The following EXOSC8 variants were observed in gnomAD, a reference collection of about 807,000 sequenced individuals.
EXOSC8 encodes the protein exosome component 8, also known as exosome complex component RRP43.
A neutral mutation model predicts 39.9 loss-of-function variants in EXOSC8; 37 were observed. The ratio of observed to expected loss-of-function variants is 0.93; its 90% CI spans 0.71 to 1.22. The LOEUF (loss-of-function observed/expected upper bound fraction) is 1.22, where lower values mean the gene tolerates loss of function less well. Ranked by LOEUF, EXOSC8 falls within the 50% of genes most tolerant of loss-of-function variation. The pLI is 0.00. For missense variants in EXOSC8, 313 were observed against 326.6 expected (o/e 0.96, Z 0.32); for synonymous variants, 93 against 109.5 (o/e 0.85, Z 0.94).
chr13:37,008,279 C>T (rs1000582390), intron 9 of EXOSC8, 102 bp downstream of exon 9: 2 of 920,126 alleles, frequency 2.2e-6, no homozygotes, highest in East Asian at 4.9e-5. Context: ...GACCCTACAT[C>T]CTAGTTTTCC....
chr13:37,002,481 T>C lies in EXOSC8; in HGVS notation c.55-7T>C. The stretch of plus-strand genomic sequence containing the variant: ...TAATCTATTTTTATATAAACATATT[T>C]ATTTAGAAAGAGAACTGCCGTCCTG... On this transcript the variant is annotated splice_region_variant and splice_polypyrimidine_tract_variant and intron_variant, in intron 2 of 10. Coordinates refer to ENST00000389704, the MANE Select transcript of EXOSC8 (RefSeq NM_181503.3). 6.5e-7 allele frequency: 1 copy of C among 1,544,294 alleles called. No individual in the cohort carries two copies. Among genetic ancestry groups the C allele is most frequent in the Non-Finnish European group, 8.8e-7 (1 of 1,134,828 alleles).
chr13:37,007,445 T>C (rs2059149013), intron 8 of EXOSC8, among the ~76,000 whole-genome samples: 1 of 152,208 alleles, frequency 6.6e-6, no homozygotes, highest in Admixed American at 6.5e-5. Flanking sequence ...TGTGAGGCCA[T>C]AGTAATAGGG....
At chr13:37,008,312 G>T (rs756826682) in intron 9 of EXOSC8, 135 bp downstream of exon 9, 1 of 720,398 alleles carries the variant, frequency 1.4e-6, no homozygotes, top group Non-Finnish European at 2.4e-6. Context: ...GTTTCTACTT[G>T]TCCCTGCACA....
chr13:37,003,093 T>C, intron 4 of EXOSC8, 86 bp downstream of exon 4: 1 of 810,686 alleles, frequency 1.2e-6, no homozygotes, highest in Admixed American at 2.3e-5. Flanking sequence ...AATTCTACTC[T>C]TGATTTGGTA....
intron 8 of EXOSC8, 121 bp downstream of exon 8, chr13:37,007,192 A>C: frequency 1.4e-6 from 1 of 706,538 alleles, no homozygotes; most frequent in Non-Finnish European, 2.6e-6. Context: ...TGCTGACATG[A>C]CTTTCCAAAT....
intron 2 of EXOSC8, 86 bp from the exon 3 acceptor site, chr13:37,002,402 A>G: frequency 7.3e-7 from 1 of 1,368,168 alleles, no homozygotes; most frequent in East Asian, 2.3e-5. Context: ...ATTTGAAGTA[A>G]CATTTAATGT....
intron 8 of EXOSC8, among the ~76,000 whole-genome samples, chr13:37,007,662 A>C (rs1325077872): frequency 6.6e-6 from 1 of 152,220 alleles, no homozygotes; most frequent in African/African-American, 2.4e-5. Context: ...TAGACTGGTT[A>C]AAGTAGATTC....
At chr13:37,001,561 ATAAAT>A (rs2059105376) in intron 1 of EXOSC8, 1 of 152,232 alleles carries the variant, frequency 6.6e-6, no homozygotes, top group African/African-American at 2.4e-5. Context: ...AATGGATAAA[ATAAAT>A]AGGATTCCAA....
chr13:37,007,026 A>T lies in EXOSC8; in HGVS notation c.442A>T (p.Ile148Phe). 1.2e-6 allele frequency: 2 copies of T among 1,613,864 alleles called. No individual in the cohort carries two copies. The highest frequency in any genetic ancestry group is 1.7e-6 in the Non-Finnish European group (2 of 1,179,706). ...DLICLDYDGN[I>F]LDACTFALLA... Reference sequence around the variant, plus strand: ...CATTTGCCTCGACTACGATGGAAACATTTTGGATGCCTGCACATTTGCTTT... The same window carrying T: ...CATTTGCCTCGACTACGATGGAAACTTTTTGGATGCCTGCACATTTGCTTT... The change falls in exon 8 of 11, where the codon ATT (isoleucine) becomes TTT (phenylalanine). Residue 148 changes from isoleucine (I) to phenylalanine (F), a missense_variant. By Grantham distance (21) the Ile-to-Phe change is conservative. Transcript: ENST00000389704.
At position 37,000,824 on chromosome 13, in the gene EXOSC8, T is replaced by A; in HGVS notation, c.17+2T>A. On this transcript the variant is annotated splice_donor_variant, in intron 1 of 10. Transcript: ENST00000389704. LOFTEE classifies it high-confidence loss of function. ...CGGGAAGATGGCGGCTGGGTTCAAG[T>A]GAGTGTTGGCGGGTGGCGGGTAGAG... 6.3e-7 allele frequency: 1 copy of A among 1,578,354 alleles called. No homozygotes were observed. Among genetic ancestry groups the A allele is most frequent in the Non-Finnish European group, 8.6e-7 (1 of 1,162,502 alleles).
At chr13:37,001,078 T>C (rs1334812432) in intron 1 of EXOSC8, among the ~76,000 whole-genome samples, 1 of 152,096 alleles carries the variant, frequency 6.6e-6, no homozygotes, top group African/African-American at 2.4e-5. Flanking sequence ...GCGTGGTGTG[T>C]AGTGAACGTG....
chr13:37,009,093 AT>A, intron 10 of EXOSC8, 90 bp from the exon 11 acceptor site: 4 of 865,896 alleles, frequency 4.6e-6, no homozygotes, highest in Non-Finnish European at 5.5e-6. Context: ...ACATTATCCA[AT>A]TTTTTTGTTT....
rs376679078 is a variant in EXOSC8 at position 37,004,605 on chromosome 13, A to G, written c.238+44A>G. On this transcript the variant is annotated intron_variant, in intron 5 of 10. Transcript: ENST00000389704. ...TAATTTTAATACAAATACTTTTAAC[A>G]CATTTAATAATTTTTAGTTAAGTCC... 8 of 1,256,694 alleles carry G rather than the reference A, an allele frequency of 6.4e-6. No homozygotes were observed. In the South Asian group the frequency reaches 6.5e-5, roughly 10 times the overall value. The allele number at this position is 1,256,694 out of a possible 1,614,324, so 77.8% of individuals were successfully genotyped here.
rs1566073524 is a variant in EXOSC8 at position 37,002,291 on chromosome 13, G to A, written c.36G>A (p.Glu12=). 6.2e-7 allele frequency: 1 copy of A among 1,609,608 alleles called. No homozygotes were observed. The highest frequency in any genetic ancestry group is 8.5e-7 in the Non-Finnish European group (1 of 1,176,336). The change falls in exon 2 of 11, where the codon GAG becomes GAA. Residue 12 remains glutamate, a synonymous_variant. Coordinates refer to ENST00000389704, the MANE Select transcript of EXOSC8 (RefSeq NM_181503.3). ...AAGFKTVEPL[E]YYRRFLKENC... Reference sequence around the variant, plus strand: ...GTTTCAGAACCGTGGAACCTCTGGAGTATTACAGGAGATTTCTGGTGAGTA... The same window carrying A: ...GTTTCAGAACCGTGGAACCTCTGGAATATTACAGGAGATTTCTGGTGAGTA...
At chr13:37,007,647 T>A (rs1446675391) in intron 8 of EXOSC8, among the ~76,000 whole-genome samples, 1 of 152,146 alleles carries the variant, frequency 6.6e-6, no homozygotes. Context: ...AGCAAAATAT[T>A]ATAATAGACT....
chr13:37,005,694 T>C (rs1471813042), intron 5 of EXOSC8, among the ~76,000 whole-genome samples: 2 of 151,752 alleles, frequency 1.3e-5, no homozygotes, highest in African/African-American at 4.8e-5. Context: ...GGTAAAACCC[T>C]GTCTACTAAA....
Position 37,009,285 on chromosome 13 carries a change from A to C in EXOSC8, c.817A>C (p.Met273Leu), listed in dbSNP as rs765445348. 1.3e-6 allele frequency: 2 copies of C among 1,590,102 alleles called. No individual in the cohort carries two copies. Among genetic ancestry groups the C allele is most frequent in the African/African-American group, 2.7e-5 (2 of 74,508 alleles). ...KKLMDEVIKS[M>L]KPK ...ACTGATGGATGAAGTAATTAAGAGTATGAAACCCAAATAAACAGCCACCAC... is the reference window on the plus strand; with the variant it reads ...ACTGATGGATGAAGTAATTAAGAGTCTGAAACCCAAATAAACAGCCACCAC... Residue 273 changes from methionine to leucine, a missense_variant, in exon 11 of 11, where the codon ATG becomes CTG. Physicochemically the swap from Met to Leu is conservative, Grantham distance 15 (BLOSUM62 2). Coordinates refer to ENST00000389704, the MANE Select transcript of EXOSC8 (RefSeq NM_181503.3).
In EXOSC8 at chr13:37,002,259, AAC is replaced by A; in HGVS notation, c.18-11_18-10del. On this transcript the variant is annotated splice_polypyrimidine_tract_variant and intron_variant, in intron 1 of 10. Transcript: ENST00000389704. ...ATCAGTTTATCTCAGATATATTTTT[AAC>A]ACGTGTTTCAGAACCGTGGAACCTC... 6.3e-7 allele frequency: 1 copy of A among 1,595,952 alleles called. No individual in the cohort carries two copies. The highest frequency in any genetic ancestry group is 8.6e-7 in the Non-Finnish European group (1 of 1,164,572).
intron 7 of EXOSC8, 32 bp from the exon 8 acceptor site, chr13:37,006,941 CTT>C (rs1261306545): frequency 7.4e-7 from 1 of 1,347,820 alleles, no homozygotes; most frequent in South Asian, 1.2e-5. Flanking sequence ...CATTAGAAGA[CTT>C]TAATTTCCTT....
Sources: gnomAD v4.1 joint callset for allele counts (sites outside exome capture counted in the v4.1 genomes callset) on GRCh38, gnomAD v4.1.1 for gene constraint, MANE v1.5 for transcripts, NCBI Gene and HGNC (gene_info 2026-07-23, HGNC 2026-07-21) for gene names.